DYNC2I2: variants seen among roughly 807,000 people sequenced by gnomAD.
The protein encoded by DYNC2I2 is cytoplasmic dynein 2 intermediate chain 2.
DYNC2I2 carries 39 observed loss-of-function variants against 52.0 expected under a neutral mutation model. The observed-to-expected ratio is 0.75, with a 90% CI of 0.58 to 0.98. DYNC2I2 has a LOEUF of 0.98. DYNC2I2 is among the 50% of genes least tolerant of loss of function. The pLI is 0.00. For missense variants in DYNC2I2, 743 were observed against 728.4 expected, an observed-to-expected ratio of 1.02 and a Z score of -0.23; for synonymous variants, 359 against 321.1, an observed-to-expected ratio of 1.12 and a Z score of -1.26.
intron 1 of DYNC2I2, among the ~76,000 whole-genome samples, chr9:128,643,329 A>T (rs949202241): frequency 6.6e-6 from 1 of 152,168 alleles, no homozygotes; most frequent in Non-Finnish European, 1.5e-5. Flanking sequence ...CTTCAAGACC[A>T]GCCTGGCCAA....
chr9:128,646,666 T>C (rs1417361690), intron 1 of DYNC2I2, among the ~76,000 whole-genome samples: 1 of 152,128 alleles, frequency 6.6e-6, no homozygotes, highest in Non-Finnish European at 1.5e-5. Flanking sequence ...CTCATTTATA[T>C]CCAGATAATT....
At chr9:128,637,857 G>A (rs1860444342) in intron 2 of DYNC2I2, among the ~76,000 whole-genome samples, 2 of 152,202 alleles carry the variant, frequency 1.3e-5, no homozygotes, top group South Asian at 4.1e-4. Flanking sequence ...AGCTGCCCAG[G>A]AAGTGGTGTG....
In DYNC2I2 at chr9:128,633,668, G is replaced by GCTTTTCTTCATTTGGCTTGCGTCAGAAAC; in HGVS notation, c.*47_*75dup. The GCTTTTCTTCATTTGGCTTGCGTCAGAAAC allele has an allele frequency of 6.7e-7, 1 of 1,494,660 alleles. No homozygotes were observed. The highest frequency in any genetic ancestry group is 9.1e-7 in the Non-Finnish European group (1 of 1,101,010). 92.6% of individuals were successfully genotyped at this position (1,494,660 alleles called of 1,614,324 possible). A position where few individuals can be genotyped will look rare whatever the true frequency, so the allele number is the denominator to read the frequency against. ...AAATGATGACTTCCCCCAAAGCTTTGCTTTTCTTCATTTGGCTTGCGTCAG... is the reference window on the plus strand; with the variant it reads ...AAATGATGACTTCCCCCAAAGCTTTGCTTTTCTTCATTTGGCTTGCGTCAGAAACCTTTTCTTCATTTGGCTTGCGTCAG... On this transcript the variant is annotated 3_prime_UTR_variant, in exon 9 of 9. Transcript: ENST00000372715.
At chr9:128,636,497 C>A in intron 3 of DYNC2I2, 59 bp from the exon 4 acceptor site, 3 of 1,529,720 alleles carry the variant, frequency 2.0e-6, no homozygotes, top group East Asian at 2.4e-5. Context: ...ATCACCCACC[C>A]CACCTCTCTC....
In DYNC2I2 at chr9:128,635,218, C is replaced by T. The variant is rs1179995630; in HGVS notation, c.855G>A (p.Gln285=). 1 of 1,613,136 alleles carries T rather than the reference C, an allele frequency of 6.2e-7. No homozygotes were observed. Among genetic ancestry groups the T allele is most frequent in the Non-Finnish European group, 8.5e-7 (1 of 1,179,928 alleles). The part of the protein sequence containing the change: ...LPEPGHSHRF[Q]VLSVATDGKV... ...TCCCGTCGGTGGCCACACTCAGCAC[C>T]TGGAAGCGGTGGCTGTGCCCAGGCT... Residue 285 remains glutamine, a synonymous_variant, in exon 6 of 9, where the codon CAG becomes CAA. Transcript: ENST00000372715.
chr9:128,649,723 A>G, intron 1 of DYNC2I2, among the ~76,000 whole-genome samples: 1 of 128,322 alleles, frequency 7.8e-6, no homozygotes, highest in Non-Finnish European at 1.6e-5. Context: ...GGCCAGGTGC[A>G]GTGGCTCACA....
chr9:128,653,480 C>T (rs1860757866), intron 1 of DYNC2I2, among the ~76,000 whole-genome samples: 2 of 150,750 alleles, frequency 1.3e-5, no homozygotes, highest in African/African-American at 5.0e-5. Flanking sequence ...TTTGGGTGGC[C>T]GAGGCAGGCG....
chr9:128,660,132 G>A (rs1204357205), upstream of DYNC2I2, among the ~76,000 whole-genome samples: 7 of 151,208 alleles, frequency 4.6e-5, no homozygotes, highest in Non-Finnish European at 7.4e-5. Context: ...TTTTTGAGAC[G>A]GAGTCTCGCT....
chr9:128,657,080 G>A (rs1860845630), upstream of DYNC2I2, among the ~76,000 whole-genome samples: 1 of 152,222 alleles, frequency 6.6e-6, no homozygotes, highest in Admixed American at 6.5e-5. Flanking sequence ...CGGCCCGCGA[G>A]GTCTGGGCCT....
the DYNC2I2 span, among the ~76,000 whole-genome samples, chr9:128,667,408 C>T: frequency 5.4e-4 from 82 of 151,896 alleles, no homozygotes; most frequent in African/African-American, 1.9e-3. Flanking sequence ...TTGCTGCAAC[C>T]TCCGCCTCCC....
upstream of DYNC2I2, among the ~76,000 whole-genome samples, chr9:128,658,125 T>TA (rs898804673): frequency 9.5e-4 from 141 of 148,754 alleles, no homozygotes; most frequent in African/African-American, 3.0e-3. Context: ...AACAAAATAA[T>TA]AAAAAAATTC....
In DYNC2I2 at chr9:128,655,855, G is replaced by T. The variant is rs797009206; in HGVS notation, c.186+686C>A. 4.1e-5 allele frequency among the ~76,000 whole-genome samples: 6 copies of T among 145,372 alleles called. No homozygotes were observed. The South Asian group carries it at 1.1e-3, about 26-fold the overall frequency. On this transcript the variant is annotated intron_variant, in intron 1 of 8. Coordinates refer to ENST00000372715, the MANE Select transcript of DYNC2I2 (RefSeq NM_052844.4). ...GAACCTGGGAGGCGGAGTTTGCAGT[G>T]AGCCGAGTTCGCGCCACTGCACTCC...
At chr9:128,683,705 T>TG in the DYNC2I2 span, 1 of 443,888 alleles carries the variant, frequency 2.3e-6, no homozygotes, top group Non-Finnish European at 4.0e-6. Context: ...TTCTCCTGAT[T>TG]GGAGGGTGGG....
intron 1 of DYNC2I2, among the ~76,000 whole-genome samples, chr9:128,646,007 G>C (rs904695736): frequency 1.6e-4 from 24 of 152,182 alleles, no homozygotes; most frequent in African/African-American, 4.8e-4. Context: ...AAGGCTGAGA[G>C]AGGTGAGGAA....
intron 4 of DYNC2I2, 85 bp downstream of exon 4, chr9:128,636,196 G>GC: frequency 6.5e-7 from 1 of 1,538,698 alleles, no homozygotes; most frequent in Non-Finnish European, 8.8e-7. Context: ...GGGCCAAAGG[G>GC]CCCATGGAAA....
At chr9:128,636,018 C>T (rs541855594) in intron 4 of DYNC2I2, 15 of 699,412 alleles carry the variant, frequency 2.1e-5, no homozygotes, top group African/African-American at 8.9e-5. Context: ...CTACCACTGA[C>T]GGCTTCCCAA....
At chr9:128,649,578 A>T (rs1157039054) in intron 1 of DYNC2I2, among the ~76,000 whole-genome samples, 1 of 150,326 alleles carries the variant, frequency 6.7e-6, no homozygotes, top group Non-Finnish European at 1.5e-5. Context: ...AATTCCAGCT[A>T]CTGGGGAGGC....
At chr9:128,648,307 T>C (rs1346499029) in intron 1 of DYNC2I2, among the ~76,000 whole-genome samples, 1 of 151,994 alleles carries the variant, frequency 6.6e-6, no homozygotes, top group East Asian at 1.9e-4. Context: ...TTTGGGAGGC[T>C]GAGACAGGAG....
chr9:128,642,010 G>A (rs1435392862), intron 1 of DYNC2I2, among the ~76,000 whole-genome samples: 10 of 151,268 alleles, frequency 6.6e-5, no homozygotes, highest in Admixed American at 3.3e-4. Flanking sequence ...CACAAATGCC[G>A]GGCACGGTGG....
Sources: gnomAD v4.1 joint callset for allele counts (sites outside exome capture counted in the v4.1 genomes callset) on GRCh38, gnomAD v4.1.1 for gene constraint, MANE v1.5 for transcripts, NCBI Gene and HGNC (gene_info 2026-07-23, HGNC 2026-07-21) for gene names.